Variants in GRID2 observed in about 807,000 individuals in gnomAD.
GRID2 encodes the protein glutamate receptor ionotropic, delta-2.
Under a neutral mutation model 114.8 loss-of-function variants are expected in GRID2, and 33 were observed. That is an observed-to-expected ratio of 0.29 (90% confidence interval 0.22 to 0.38). The LOEUF (loss-of-function observed/expected upper bound fraction) is 0.38, where lower values mean the gene tolerates loss of function less well. GRID2 is among the 10% of genes least tolerant of loss of function. The pLI, the probability that GRID2 is intolerant of heterozygous loss-of-function variation, is 1.00. For synonymous variants in GRID2, 505 were observed against 449.9 expected (o/e 1.12, Z -1.55); for missense variants, 1,184 against 1,257.7 (o/e 0.94, Z 0.89).
At chr4:92,675,653 C>T (rs1733313133) in intron 2 of GRID2, among the ~76,000 whole-genome samples, 1 of 151,710 alleles carries the variant, frequency 6.6e-6, no homozygotes, top group South Asian at 2.1e-4. Context: ...CAGGGTCATG[C>T]AATTCTCCTG....
chr4:92,653,329 G>C (rs191619336), intron 2 of GRID2, among the ~76,000 whole-genome samples: 167 of 128,418 alleles, frequency 1.3e-3, no homozygotes, highest in African/African-American at 3.0e-3. Context: ...ACATGTGTCT[G>C]TGTGTGTGTG....
At chr4:92,923,949 C>CACA (rs1749587889) in intron 2 of GRID2, among the ~76,000 whole-genome samples, 1 of 152,022 alleles carries the variant, frequency 6.6e-6, no homozygotes, top group Non-Finnish European at 1.5e-5. Flanking sequence ...CACATGCACA[C>CACA]GTATGTTTAT....
intron 13 of GRID2, among the ~76,000 whole-genome samples, chr4:93,623,410 T>G (rs1471603749): frequency 6.6e-6 from 1 of 152,188 alleles, no homozygotes; most frequent in Non-Finnish European, 1.5e-5. Flanking sequence ...CTGTGTTAGT[T>G]TGCTGAGAAT....
Position 92,909,264 on chromosome 4 carries a change from CT to C in GRID2, c.245-175720del, listed in dbSNP as rs531679793. ...AACATGCAATAAAGTTAGTTTTTTT[CT>C]TTTTTTTTTTCAAGAAATGCTTTAG... On this transcript the variant is annotated intron_variant, in intron 2 of 15. Coordinates refer to ENST00000282020, the MANE Select transcript of GRID2 (RefSeq NM_001510.4). Among the ~76,000 whole-genome samples, 429 of 141,184 alleles carry C rather than the reference CT, an allele frequency of 3.0e-3. 1 individual carries two copies. The highest frequency in any genetic ancestry group is 7.0e-3 in the African/African-American group (271 of 38,720). 92.6% of individuals were successfully genotyped at this position (141,184 alleles called of 152,430 possible). A position where few individuals can be genotyped will look rare whatever the true frequency, so the allele number is the denominator to read the frequency against.
At chr4:92,788,763 AT>A in intron 2 of GRID2, among the ~76,000 whole-genome samples, 1 of 151,952 alleles carries the variant, frequency 6.6e-6, no homozygotes, top group South Asian at 2.1e-4. Flanking sequence ...ATGTATATCT[AT>A]CTTGAAATAT....
rs1427391820 is a variant in GRID2, at chr4:92,934,107, T to A, written c.245-150888T>A. ...AAATTATTGAGGCCTGAAATGCTTT[T>A]TTCCTACTTTAGAAATTTAAATGCC... On this transcript the variant is annotated intron_variant, in intron 2 of 15. Transcript: ENST00000282020. Among the ~76,000 whole-genome samples the A allele has an allele frequency of 2.6e-5, 4 of 151,952 alleles. No homozygotes were observed. In the East Asian group the frequency reaches 7.7e-4, roughly 29 times the overall value.
At chr4:92,548,963 A>G (rs1222301209) in intron 1 of GRID2, among the ~76,000 whole-genome samples, 1 of 152,044 alleles carries the variant, frequency 6.6e-6, no homozygotes, top group African/African-American at 2.4e-5. Context: ...CCCATGGCCA[A>G]ATCACCTCCC....
intron 1 of GRID2, among the ~76,000 whole-genome samples, chr4:93,782,738 C>T (rs955194708): frequency 6.6e-6 from 1 of 152,132 alleles, no homozygotes; most frequent in Non-Finnish European, 1.5e-5. Flanking sequence ...AAAAAAATAT[C>T]GTATATCAAA....
intron 2 of GRID2, among the ~76,000 whole-genome samples, chr4:93,070,975 A>G (rs892467784): frequency 6.6e-6 from 1 of 152,104 alleles, no homozygotes; most frequent in African/African-American, 2.4e-5. Flanking sequence ...CTATACGCCA[A>G]GCATATCTGA....
chr4:93,678,056 A>T (rs1560893999), intron 14 of GRID2, among the ~76,000 whole-genome samples: 1 of 152,190 alleles, frequency 6.6e-6, no homozygotes, highest in African/African-American at 2.4e-5. Flanking sequence ...GGATAACTAG[A>T]CTAACCAATA....
intron 8 of GRID2, among the ~76,000 whole-genome samples, chr4:93,337,977 T>C (rs1759258715): frequency 6.6e-6 from 1 of 152,138 alleles, no homozygotes. Context: ...TTTGAACTCT[T>C]AGGTTTTAGT....
chr4:93,560,883 TTG>T (rs1734858804), intron 13 of GRID2, among the ~76,000 whole-genome samples: 1 of 151,946 alleles, frequency 6.6e-6, no homozygotes, highest in South Asian at 2.1e-4. Context: ...TTCAATGCTT[TTG>T]TGTTTGTATT....
chr4:92,950,297 C>G (rs531748388), intron 2 of GRID2, among the ~76,000 whole-genome samples: 2 of 152,162 alleles, frequency 1.3e-5, no homozygotes, highest in African/African-American at 2.4e-5. Context: ...AATCGATCCT[C>G]TAACTGACAG....
intron 2 of GRID2, among the ~76,000 whole-genome samples, chr4:92,668,594 C>G (rs968137204): frequency 2.0e-5 from 3 of 151,786 alleles, no homozygotes; most frequent in Admixed American, 6.6e-5. Flanking sequence ...GTTGAGCAAT[C>G]TAGATTCCTG....
At chr4:92,632,317 T>C (rs1358792695) in intron 2 of GRID2, among the ~76,000 whole-genome samples, 1 of 152,148 alleles carries the variant, frequency 6.6e-6, no homozygotes, top group Non-Finnish European at 1.5e-5. Context: ...TTCATTCCTT[T>C]ATATGGTTTT....
At chr4:93,426,821 C>A (rs1324887491) in intron 10 of GRID2, among the ~76,000 whole-genome samples, 3 of 151,978 alleles carry the variant, frequency 2.0e-5, no homozygotes, top group Non-Finnish European at 2.9e-5. Context: ...AAGAAGCAGA[C>A]ATATGATTTT....
chr4:93,596,235 C>T (rs2149629049), intron 13 of GRID2, among the ~76,000 whole-genome samples: 1 of 152,274 alleles, frequency 6.6e-6, no homozygotes, highest in Admixed American at 6.5e-5. Context: ...TCTTCTTAGG[C>T]TATCGCTAAT....
At chr4:93,753,678 C>A (rs1247853316) in intron 14 of GRID2, among the ~76,000 whole-genome samples, 1 of 152,122 alleles carries the variant, frequency 6.6e-6, no homozygotes, top group Admixed American at 6.6e-5. Context: ...TGAACTTATC[C>A]TTTTTATGGC....
At chr4:92,856,739 C>T (rs62311163) in intron 2 of GRID2, among the ~76,000 whole-genome samples, 1,697 of 152,230 alleles carry the variant, frequency 0.011, 21 homozygotes, top group Non-Finnish European at 0.014. Flanking sequence ...CATTTTTCTT[C>T]AACATCTTGT....
Sources: gnomAD v4.1 joint callset for allele counts (sites outside exome capture counted in the v4.1 genomes callset) on GRCh38, gnomAD v4.1.1 for gene constraint, MANE v1.5 for transcripts, NCBI Gene and HGNC (gene_info 2026-07-23, HGNC 2026-07-21) for gene names.